The following ZIC4 variants were observed in gnomAD, a reference collection of about 807,000 sequenced individuals.
ZIC4 encodes Zic family zinc finger 4, also known as zinc finger protein ZIC 4.
In ZIC4, 15 loss-of-function variants were observed where a neutral mutation model predicts 28.8. That is an observed-to-expected ratio of 0.52 (90% confidence interval 0.35 to 0.80). The LOEUF (loss-of-function observed/expected upper bound fraction) is 0.80, where lower values mean the gene tolerates loss of function less well. Among genes scored for constraint, ZIC4 ranks in the 30% least tolerant of loss-of-function variants. The pLI is 0.01. For missense variants in ZIC4, 512 were observed against 467.1 expected, an observed-to-expected ratio of 1.10 and a Z score of -0.89; for synonymous variants, 220 against 198.1, an observed-to-expected ratio of 1.11 and a Z score of -0.93.
intron 4 of ZIC4, 86 bp downstream of exon 4, chr3:147,390,845 C>A (rs868093512): frequency 1.4e-6 from 2 of 1,466,266 alleles, no homozygotes; most frequent in South Asian, 2.8e-5. Context: ...GAGGCGGCGG[C>A]GGCAGCAGCA....
chr3:147,390,801 G>C (rs1156747322), intron 4 of ZIC4, 130 bp downstream of exon 4: 1 of 1,206,704 alleles, frequency 8.3e-7, no homozygotes, highest in Non-Finnish European at 1.1e-6. Context: ...CGGTGTGTGC[G>C]GAAGCAGCAA....
intron 1 of ZIC4, chr3:147,405,475 C>A (rs766280411): frequency 6.5e-7 from 1 of 1,537,252 alleles, no homozygotes; most frequent in South Asian, 1.2e-5. Flanking sequence ...CATTCATCAA[C>A]CCCAACTTTC....
chr3:147,405,670 C>G (rs1256033612), intron 1 of ZIC4: 7 of 641,898 alleles, frequency 1.1e-5, no homozygotes, highest in East Asian at 2.8e-5. Flanking sequence ...AGCCAAGTCC[C>G]GAACCCACTG....
chr3:147,399,144 C>G (rs2087113085), intron 2 of ZIC4, among the ~76,000 whole-genome samples: 1 of 152,132 alleles, frequency 6.6e-6, no homozygotes, highest in Non-Finnish European at 1.5e-5. Context: ...ACTCCCTACT[C>G]TCAAAACCAA....
rs980887334 is a variant in ZIC4 at position 147,387,313 on chromosome 3, C to A, written c.*1546G>T. On this transcript the variant is annotated 3_prime_UTR_variant, in exon 5 of 5. Transcript: ENST00000383075. ...TTTAAAAGAAGTTTGATTTTTATCT[C>A]TTTAGAAACGGTTTGAAACTAACGG... 6.6e-6 allele frequency: 1 copy of A among 152,578 alleles called. No homozygotes were observed. Among genetic ancestry groups the A allele is most frequent in the Admixed American group, 6.5e-5 (1 of 15,272 alleles). 9.5% of individuals were successfully genotyped at this position (152,578 alleles called of 1,614,324 possible). A position where few individuals can be genotyped will look rare whatever the true frequency, so the allele number is the denominator to read the frequency against.
chr3:147,388,908 A>G lies in ZIC4; in HGVS notation c.*-49T>C, dbSNP rs752203055. The G allele has an allele frequency of 1.8e-5, 14 of 777,106 alleles. No individual in the cohort carries two copies. In the African/African-American group the frequency reaches 1.9e-4, roughly 10 times the overall value. The allele number at this position is 777,106 out of a possible 1,614,324, so 48.1% of individuals were successfully genotyped here. Reference sequence around the variant, plus strand: ...AAAGGCGATTAGTGGCCGACCAAACATTTTGTTTTATTTCATTATTTTAGA... The same window carrying G: ...AAAGGCGATTAGTGGCCGACCAAACGTTTTGTTTTATTTCATTATTTTAGA... On this transcript the variant is annotated intron_variant, in intron 4 of 4. Transcript: ENST00000383075.
At chr3:147,393,279 C>G (rs923349935) in intron 3 of ZIC4, 1 of 152,504 alleles carries the variant, frequency 6.6e-6, no homozygotes, top group Non-Finnish European at 1.5e-5. Flanking sequence ...TACCGGCAGC[C>G]GGGAAGTTCG....
intron 3 of ZIC4, chr3:147,391,991 C>T (rs887692082): frequency 1.0e-6 from 1 of 985,310 alleles, no homozygotes; most frequent in African/African-American, 1.7e-5. Context: ...GGGATCCCTC[C>T]AGATACGCTC....
At position 147,390,945 on chromosome 3, in the gene ZIC4, G is replaced by C. The variant is rs774346537; in HGVS notation, c.990C>G (p.Ala330=). The part of the protein sequence containing the change: ...ASSAAVAART[A]DLSE ...GACACACGTACCATTCGCTCAAGTCGGCGGTACGCGCCGCCACCGCCGCCG... is the reference window on the plus strand; with the variant it reads ...GACACACGTACCATTCGCTCAAGTCCGCGGTACGCGCCGCCACCGCCGCCG... Residue 330 remains alanine, a synonymous_variant, in exon 4 of 5, where the codon GCC becomes GCG. Transcript: ENST00000383075. 1 of 1,610,254 alleles carries C rather than the reference G, an allele frequency of 6.2e-7. No homozygotes were observed. Among genetic ancestry groups the C allele is most frequent in the Non-Finnish European group, 8.5e-7 (1 of 1,178,440 alleles).
intron 3 of ZIC4, among the ~76,000 whole-genome samples, chr3:147,395,600 C>T (rs1348976324): frequency 6.6e-6 from 1 of 152,198 alleles, no homozygotes; most frequent in Admixed American, 6.5e-5. Context: ...TGTTTGCACA[C>T]ACAGGGTCTT....
chr3:147,405,335 G>A (rs1172120266), intron 1 of ZIC4: 5 of 1,509,748 alleles, frequency 3.3e-6, no homozygotes, highest in Non-Finnish European at 4.4e-6. Flanking sequence ...GTGGGTCGCT[G>A]CGAGGACAAT....
At chr3:147,394,191 G>A (rs963133048) in intron 3 of ZIC4, among the ~76,000 whole-genome samples, 1 of 151,426 alleles carries the variant, frequency 6.6e-6, no homozygotes, top group Admixed American at 6.6e-5. Context: ...TGAGGGAAAT[G>A]CCCGAGCAGG....
At chr3:147,392,409 A>T in intron 3 of ZIC4, 2 of 985,470 alleles carry the variant, frequency 2.0e-6, no homozygotes, top group East Asian at 1.1e-4. Context: ...CCGAGCCCCA[A>T]TCGGGGAGCT....
chr3:147,405,274 C>T, intron 1 of ZIC4: 1 of 1,199,324 alleles, frequency 8.3e-7, no homozygotes, highest in South Asian at 1.6e-5. Flanking sequence ...TCACCCCTCC[C>T]CCAACCTGCA....
intron 3 of ZIC4, chr3:147,392,151 C>G (rs1037090726): frequency 1.0e-6 from 1 of 985,486 alleles, no homozygotes; most frequent in Admixed American, 6.1e-5. Flanking sequence ...GGTCCTAAGA[C>G]GAGGGGTTGG....
Position 147,402,715 on chromosome 3 carries a change from G to A in ZIC4, c.70+13C>T. 1 of 1,591,586 alleles carries A rather than the reference G, an allele frequency of 6.3e-7. No homozygotes were observed. Among genetic ancestry groups the A allele is most frequent in the East Asian group, 2.3e-5 (1 of 44,352 alleles). ...ACCAGCAAACCAATATTCAAAGGAG[G>A]ATTTTAACTTACTTGACTCTTTAAG... is the stretch of plus-strand genomic sequence containing the variant. On this transcript the variant is annotated intron_variant, in intron 2 of 4. Transcript: ENST00000383075.
chr3:147,404,978 T>C (rs759454923), intron 1 of ZIC4, among the ~76,000 whole-genome samples: 1 of 152,214 alleles, frequency 6.6e-6, no homozygotes, highest in Non-Finnish European at 1.5e-5. Context: ...CCCTGAAAGC[T>C]GGCAGGGAGC....
intron 1 of ZIC4, chr3:147,405,584 G>A (rs1244208164): frequency 4.5e-6 from 5 of 1,120,954 alleles, no homozygotes; most frequent in Non-Finnish European, 6.5e-6. Context: ...TCTAGGCTAG[G>A]GGCCAGAATC....
chr3:147,391,163 G>GA lies in ZIC4; in HGVS notation c.771_772insT (p.His258SerfsTer3). On this transcript the variant is annotated frameshift_variant, in exon 4 of 5. Transcript: ENST00000383075. LOFTEE classifies it high-confidence loss of function. ...CACGTGTATGGCTTGTCGCTAGTGT[G>GA]CACGTGCGAATGCTTCTTACGGTCG... The GA allele has an allele frequency of 6.2e-7, 1 of 1,611,828 alleles. No individual in the cohort carries two copies. Among genetic ancestry groups the GA allele is most frequent in the Non-Finnish European group, 8.5e-7 (1 of 1,178,148 alleles).
Sources: gnomAD v4.1 joint callset for allele counts (sites outside exome capture counted in the v4.1 genomes callset) on GRCh38, gnomAD v4.1.1 for gene constraint, MANE v1.5 for transcripts, NCBI Gene and HGNC (gene_info 2026-07-23, HGNC 2026-07-21) for gene names.